The following AGBL1 variants were observed in gnomAD, a reference collection of about 807,000 sequenced individuals.
AGBL1 encodes AGBL carboxypeptidase 1.
In AGBL1, 130 loss-of-function variants were observed where a neutral mutation model predicts 118.9. The observed-to-expected ratio is 1.09, with a 90% confidence interval of 0.95 to 1.26. The LOEUF is 1.26. Ranked by LOEUF, AGBL1 falls within the 50% of genes most tolerant of loss-of-function variation. AGBL1 has a pLI of 0.00. For synonymous variants in AGBL1, 555 were observed against 478.9 expected, an observed-to-expected ratio of 1.16 and a Z score of -2.08; for missense variants, 1,584 against 1,298.1, an observed-to-expected ratio of 1.22 and a Z score of -3.38.
chr15:86,327,651 A>G (rs1338569426), intron 17 of AGBL1, among the ~76,000 whole-genome samples: 1 of 152,192 alleles, frequency 6.6e-6, no homozygotes, highest in Non-Finnish European at 1.5e-5. Flanking sequence ...TACACGAACC[A>G]TTGTGAGCAT....
intron 1 of AGBL1, among the ~76,000 whole-genome samples, chr15:86,121,355 G>A (rs774437037): frequency 6.6e-6 from 1 of 152,176 alleles, no homozygotes; most frequent in African/African-American, 2.4e-5. Context: ...ATACACCAAT[G>A]TGGGTTATTT....
chr15:86,973,621 T>C (rs2081133653), intron 23 of AGBL1, among the ~76,000 whole-genome samples: 2 of 151,810 alleles, frequency 1.3e-5, no homozygotes, highest in South Asian at 4.2e-4. Flanking sequence ...CTGTGAGAAG[T>C]ACATTACACA....
intron 22 of AGBL1, among the ~76,000 whole-genome samples, chr15:86,734,613 C>T (rs2077567867): frequency 6.6e-6 from 1 of 152,114 alleles, no homozygotes; most frequent in African/African-American, 2.4e-5. Flanking sequence ...CACAGCCGGC[C>T]AACTCCTATG....
chr15:86,567,351 A>G (rs1219324616), intron 21 of AGBL1, among the ~76,000 whole-genome samples: 1 of 152,180 alleles, frequency 6.6e-6, no homozygotes, highest in Non-Finnish European at 1.5e-5. Flanking sequence ...CATTTCTTTT[A>G]TTATCCACTC....
chr15:87,010,743 T>C (rs779632384), intron 24 of AGBL1, among the ~76,000 whole-genome samples: 5 of 152,186 alleles, frequency 3.3e-5, no homozygotes, highest in Admixed American at 6.5e-5. Flanking sequence ...GTTCTCTAGC[T>C]TGAAAATAGC....
At chr15:86,142,313 C>T (rs1352173153) in intron 2 of AGBL1, among the ~76,000 whole-genome samples, 4 of 152,182 alleles carry the variant, frequency 2.6e-5, no homozygotes, top group East Asian at 1.9e-4. Context: ...AGTAACCCTC[C>T]GTGGTTCTAC....
intron 17 of AGBL1, among the ~76,000 whole-genome samples, chr15:86,306,594 T>C (rs2141814181): frequency 6.6e-6 from 1 of 152,314 alleles, no homozygotes; most frequent in Non-Finnish European, 1.5e-5. Context: ...TTCCAGATCT[T>C]AGCTATTGTA....
intron 15 of AGBL1, among the ~76,000 whole-genome samples, chr15:86,278,186 T>C (rs1485442823): frequency 6.6e-6 from 1 of 152,222 alleles, no homozygotes; most frequent in East Asian, 1.9e-4. Context: ...TTGCGATCCA[T>C]ATCACACCAT....
intron 22 of AGBL1, among the ~76,000 whole-genome samples, chr15:86,827,894 AT>A (rs2079051278): frequency 1.1e-5 from 1 of 94,518 alleles, no homozygotes; most frequent in Non-Finnish European, 2.1e-5. Context: ...TGGGTGTGTT[AT>A]TTTTACATAC....
chr15:86,179,878 A>T lies in AGBL1; in HGVS notation c.488+20852A>T, dbSNP rs548124900. Among the ~76,000 whole-genome samples, 17 of 152,316 alleles carry T rather than the reference A, an allele frequency of 1.1e-4. No homozygotes were observed. In the South Asian group the frequency reaches 3.1e-3, roughly 28 times the overall value. On this transcript the variant is annotated intron_variant, in intron 5 of 22. Coordinates refer to ENST00000614907, the MANE Select transcript of AGBL1 (RefSeq NM_001386094.1). ...AGGATGCAAGATCAACATACAAAAA[A>T]TTTATATTTCTACATAGTGCAACAA...
intron 22 of AGBL1, among the ~76,000 whole-genome samples, chr15:86,813,495 G>A (rs1288849269): frequency 2.0e-5 from 3 of 152,128 alleles, no homozygotes; most frequent in Non-Finnish European, 4.4e-5. Context: ...TTCTTTTCCT[G>A]TCTTCCAAAG....
rs554140301 is a variant in AGBL1, at chr15:86,293,314, A to G, written c.2221-1941A>G. Among the ~76,000 whole-genome samples, 7 of 152,276 alleles carry G rather than the reference A, an allele frequency of 4.6e-5. No homozygotes were observed. In the East Asian group the frequency reaches 9.7e-4, roughly 21 times the overall value. ...ACATGAATCTCACTGGGCGAAGACC[A>G]GGGTTTTGGGGTTGTGTTTCTTCTG... On this transcript the variant is annotated intron_variant, in intron 16 of 22. Coordinates refer to ENST00000614907, the MANE Select transcript of AGBL1 (RefSeq NM_001386094.1).
chr15:86,233,479 G>A (rs2078489394), intron 6 of AGBL1, among the ~76,000 whole-genome samples: 1 of 151,838 alleles, frequency 6.6e-6, no homozygotes, highest in Non-Finnish European at 1.5e-5. Flanking sequence ...ATGACAGCAT[G>A]ACTTGTCCTT....
At chr15:86,649,660 G>T (rs563144770) in intron 21 of AGBL1, among the ~76,000 whole-genome samples, 3 of 149,006 alleles carry the variant, frequency 2.0e-5, no homozygotes, top group African/African-American at 7.4e-5. Context: ...TTGATACCTT[G>T]TTTCATTTCC....
intron 5 of AGBL1, among the ~76,000 whole-genome samples, chr15:86,203,052 C>G (rs780703998): frequency 4.0e-5 from 6 of 151,798 alleles, no homozygotes; most frequent in Non-Finnish European, 7.4e-5. Flanking sequence ...CCACTGCACT[C>G]CAGCCTGAGT....
At chr15:86,873,153 C>A (rs905369962) in intron 22 of AGBL1, among the ~76,000 whole-genome samples, 7 of 152,168 alleles carry the variant, frequency 4.6e-5, no homozygotes, top group Non-Finnish European at 1.0e-4. Context: ...TCTGCAGGAG[C>A]AATTAATTTT....
At chr15:86,946,613 C>T (rs1010495877) in intron 23 of AGBL1, among the ~76,000 whole-genome samples, 19 of 151,722 alleles carry the variant, frequency 1.3e-4, no homozygotes, top group South Asian at 2.1e-4. Context: ...TTTGGGAGGC[C>T]GAGGCAGGTG....
At chr15:87,007,713 A>G (rs1156982797) in intron 24 of AGBL1, among the ~76,000 whole-genome samples, 3 of 152,218 alleles carry the variant, frequency 2.0e-5, no homozygotes, top group East Asian at 1.9e-4. Flanking sequence ...GCTCAGTTAG[A>G]TATGTAAGTG....
chr15:86,825,448 A>G (rs971419630), intron 22 of AGBL1, among the ~76,000 whole-genome samples: 1 of 142,410 alleles, frequency 7.0e-6, no homozygotes, highest in African/African-American at 2.6e-5. Flanking sequence ...TATCTGGGAA[A>G]GAACTTTTAT....
Sources: allele counts gnomAD v4.1 joint callset (sites outside exome capture counted in the v4.1 genomes callset), GRCh38; gene constraint gnomAD v4.1.1; transcripts MANE v1.5; gene names NCBI Gene and HGNC (gene_info 2026-07-23, HGNC 2026-07-21).